Variants in BBS2 observed in about 807,000 individuals in gnomAD.
The protein encoded by BBS2 is Bardet-Biedl syndrome 2, also known as BBSome complex member BBS2.
Under a neutral mutation model 83.0 loss-of-function variants are expected in BBS2, and 62 were observed. The observed-to-expected ratio is 0.75, with a 90% CI of 0.61 to 0.92. The LOEUF (loss-of-function observed/expected upper bound fraction) is 0.92. Ranked by LOEUF, BBS2 falls within the 40% of genes least tolerant of loss-of-function variation. BBS2 has a pLI of 0.00. For synonymous variants in BBS2, 303 were observed against 326.1 expected (o/e 0.93, Z 0.76); for missense variants, 784 against 901.0 (o/e 0.87, Z 1.66).
At chr16:56,519,610 A>T in intron 1 of BBS2, 136 bp downstream of exon 1, 2 of 688,918 alleles carry the variant, frequency 2.9e-6, no homozygotes, top group East Asian at 5.1e-5. Context: ...ATGGAGCCAC[A>T]AGGTGCTCGC....
chr16:56,519,668 A>ACGGGATCCCAGGGGCGCGGC (rs1317117760), intron 1 of BBS2, 78 bp downstream of exon 1: 7 of 1,205,450 alleles, frequency 5.8e-6, no homozygotes, highest in Non-Finnish European at 8.5e-6. Flanking sequence ...CGGAGAGGGG[A>ACGGGATCCCAGGGGCGCGGC]CGGGATCCCA....
chr16:56,479,223 C>A (rs1963598108), intron 17 of BBS2: 1 of 152,298 alleles, frequency 6.6e-6, no homozygotes, highest in Non-Finnish European at 1.5e-5. Context: ...GTAATCCCAG[C>A]ACTTTGGGAG....
At chr16:56,473,557 C>A (rs1169109265) in intron 17 of BBS2, among the ~76,000 whole-genome samples, 1 of 152,218 alleles carries the variant, frequency 6.6e-6, no homozygotes, top group Non-Finnish European at 1.5e-5. Context: ...GCACTCCCAC[C>A]AGCATTGTAC....
intron 9 of BBS2, 112 bp from the exon 10 acceptor site, chr16:56,501,609 A>G: frequency 7.5e-7 from 1 of 1,340,436 alleles, no homozygotes; most frequent in Non-Finnish European, 1.0e-6. Flanking sequence ...GCATATTATT[A>G]TTATTATAGT....
Position 56,484,789 on chromosome 16 carries a change from A to G in BBS2, c.2138T>C (p.Ile713Thr). 1 of 1,614,036 alleles carries G rather than the reference A, an allele frequency of 6.2e-7. No individual in the cohort carries two copies. Among genetic ancestry groups the G allele is most frequent in the Non-Finnish European group, 8.5e-7 (1 of 1,179,940 alleles). The change falls in exon 17 of 17, where the codon ATC becomes ACC. Residue 713 changes from isoleucine to threonine, a missense_variant. Ile to Thr is a moderately conservative substitution (Grantham distance 89). Coordinates refer to ENST00000245157, the MANE Select transcript of BBS2 (RefSeq NM_031885.5). ...RSNNINTLFK[I>T]MRVGTASS ...GGAAGAAGCTGTCCCCACTCGCATG[A>G]TTTTGAACAGTGTGTTGATGTTATT...
At chr16:56,481,459 T>G (rs1319786775), downstream of BBS2, among the ~76,000 whole-genome samples, 1 of 152,184 alleles carries the variant, frequency 6.6e-6, no homozygotes, top group Non-Finnish European at 1.5e-5. Context: ...TTTGAGGTAC[T>G]GGATAGGCAG....
At chr16:56,497,147 G>C (rs539147084) in intron 14 of BBS2, 68 bp from the exon 15 acceptor site, 1 of 1,025,478 alleles carries the variant, frequency 9.8e-7, no homozygotes, top group East Asian at 2.4e-5. Flanking sequence ...CAAATGAAAA[G>C]ACACTATTTA....
At position 56,502,377 on chromosome 16, in the gene BBS2, C is replaced by T. The variant is rs987125306; in HGVS notation, c.1020G>A (p.Glu340=). 6.2e-6 allele frequency: 10 copies of T among 1,614,110 alleles called. No homozygotes were observed. The South Asian group carries it at 7.7e-5, about 12-fold the overall frequency. The part of the protein sequence containing the change: ...DTSAEQDLIR[E]LSQKKQNLLL... ...ACAGATTCTGCTTCTTCTGACTCAG[C>T]TCTCGGATCAGGTCCTGCTCTGCAC... The change falls in exon 9 of 17, where the codon GAG becomes GAA. Residue 340 remains glutamate, a synonymous_variant. Transcript: ENST00000245157.
At chr16:56,477,262 A>C (rs919697784) in intron 17 of BBS2, 5 of 152,248 alleles carry the variant, frequency 3.3e-5, no homozygotes, top group African/African-American at 1.2e-4. Context: ...GTGAGTCATC[A>C]CATTTCCTCC....
At chr16:56,510,740 G>A in intron 4 of BBS2, 119 bp downstream of exon 4, 1 of 1,008,774 alleles carries the variant, frequency 9.9e-7, no homozygotes. Context: ...TGAGCATTTA[G>A]GCAACAGAGC....
At chr16:56,518,115 C>G (rs1247421562) in intron 1 of BBS2, among the ~76,000 whole-genome samples, 2 of 152,164 alleles carry the variant, frequency 1.3e-5, no homozygotes, top group African/African-American at 2.4e-5. Flanking sequence ...CTGCACCCAG[C>G]CTGTCAGTGA....
intron 17 of BBS2, among the ~76,000 whole-genome samples, chr16:56,475,750 C>T (rs1483492379): frequency 6.6e-6 from 1 of 152,186 alleles, no homozygotes; most frequent in Non-Finnish European, 1.5e-5. Flanking sequence ...ACTCAGTAAG[C>T]ATTTATTTTA....
At chr16:56,489,656 T>C (rs902369382) in intron 15 of BBS2, among the ~76,000 whole-genome samples, 1 of 151,854 alleles carries the variant, frequency 6.6e-6, no homozygotes, top group Non-Finnish European at 1.5e-5. Flanking sequence ...AAAAATTAGC[T>C]GGGCATGGTG....
rs1964318641 is a variant in BBS2 at position 56,502,916 on chromosome 16, A to G, written c.805-108T>C. On this transcript the variant is annotated intron_variant, in intron 7 of 16. Coordinates refer to ENST00000245157, the MANE Select transcript of BBS2 (RefSeq NM_031885.5). ...AGGTCATTTAGTCTAGCAGTTTTCAAGAGTATTCTATGAAGCCCTACAACT... is the reference window on the plus strand; with the variant it reads ...AGGTCATTTAGTCTAGCAGTTTTCAGGAGTATTCTATGAAGCCCTACAACT... 6.6e-6 allele frequency: 9 copies of G among 1,368,316 alleles called. No homozygotes were observed. The African/African-American group carries it at 1.0e-4, about 15-fold the overall frequency. 84.8% of individuals were successfully genotyped at this position (1,368,316 alleles called of 1,614,324 possible). A position where few individuals can be genotyped will look rare whatever the true frequency, so the allele number is the denominator to read the frequency against.
intron 17 of BBS2, chr16:56,478,578 C>G (rs541189819): frequency 6.6e-6 from 1 of 152,288 alleles, no homozygotes; most frequent in Admixed American, 6.5e-5. Context: ...GGGAAAAGTG[C>G]TTGGGTAGGT....
intron 7 of BBS2, 45 bp downstream of exon 7, chr16:56,505,905 A>G (rs748458494): frequency 6.9e-7 from 1 of 1,454,288 alleles, no homozygotes; most frequent in Non-Finnish European, 9.6e-7. Context: ...CACCTTGGAC[A>G]ATTACTACTC....
chr16:56,506,445 T>A (rs1347802833), intron 5 of BBS2, among the ~76,000 whole-genome samples: 3 of 152,222 alleles, frequency 2.0e-5, no homozygotes, highest in East Asian at 3.8e-4. Flanking sequence ...CAGGGTTTGG[T>A]GTTTTAGAGC....
At chr16:56,517,141 C>A (rs1964772762) in intron 1 of BBS2, among the ~76,000 whole-genome samples, 1 of 152,170 alleles carries the variant, frequency 6.6e-6, no homozygotes, top group Admixed American at 6.5e-5. Context: ...ACACCTACCT[C>A]CCTACATCCC....
intron 9 of BBS2, chr16:56,502,041 G>A: frequency 2.0e-6 from 1 of 493,822 alleles, no homozygotes; most frequent in Non-Finnish European, 3.7e-6. Context: ...ACTCCCTACT[G>A]CTGACGAACA....
Sources: allele counts gnomAD v4.1 joint callset (sites outside exome capture counted in the v4.1 genomes callset), GRCh38; gene constraint gnomAD v4.1.1; transcripts MANE v1.5; gene names NCBI Gene and HGNC (gene_info 2026-07-23, HGNC 2026-07-21).